Variants in ZNF75D observed in about 807,000 individuals in gnomAD.
ZNF75D encodes zinc finger protein 75.
Under a neutral mutation model 33.3 loss-of-function variants are expected in ZNF75D, and 33 were observed. The observed-to-expected ratio is 0.99, with a 90% CI of 0.75 to 1.32. The LOEUF is 1.32. ZNF75D is among the 40% of genes most tolerant of loss of function. The pLI, the probability that ZNF75D is intolerant of heterozygous loss-of-function variation, is 0.00. For synonymous variants in ZNF75D, 113 were observed against 130.6 expected, an observed-to-expected ratio of 0.87 and a Z score of 0.92; for missense variants, 338 against 367.5, an observed-to-expected ratio of 0.92 and a Z score of 0.66.
rs782020133 is a variant in ZNF75D, at chrX:135,311,971, G to A, written c.-390-15932C>T. 4.5e-5 allele frequency among the ~76,000 whole-genome samples: 5 copies of A among 111,836 alleles called. No individual in the cohort carries two copies. In the Admixed American group the frequency reaches 4.7e-4, roughly 11 times the overall value. ...GTATTTGGGGTGTCCATCTCTTCAAGTATTTATCATTTCTATCTGTTGGGA... is the reference window on the plus strand; with the variant it reads ...GTATTTGGGGTGTCCATCTCTTCAAATATTTATCATTTCTATCTGTTGGGA... On this transcript the variant is annotated intron_variant, in intron 1 of 6. Coordinates refer to ENST00000370766, the MANE Select transcript of ZNF75D (RefSeq NM_007131.5).
intron 1 of ZNF75D, among the ~76,000 whole-genome samples, chrX:135,314,254 AGTTATT>A (rs1438376342): frequency 8.9e-6 from 1 of 111,989 alleles, no homozygotes; most frequent in African/African-American, 3.2e-5. Flanking sequence ...ATGATAATAT[AGTTATT>A]GTTCTCCATT....
intron 1 of ZNF75D, among the ~76,000 whole-genome samples, chrX:135,302,845 G>T (rs1394042789): frequency 1.8e-5 from 2 of 110,047 alleles, no homozygotes; most frequent in Admixed American, 1.9e-4. Flanking sequence ...AAGAAAAAAG[G>T]GGCCCAGGGG....
chrX:135,322,029 A>AT (rs781795093), intron 1 of ZNF75D, among the ~76,000 whole-genome samples: 2 of 112,117 alleles, frequency 1.8e-5, no homozygotes, highest in African/African-American at 6.5e-5. Context: ...CACAATGTCA[A>AT]TTACCCTCTA....
intron 1 of ZNF75D, among the ~76,000 whole-genome samples, chrX:135,318,805 C>T (rs1469976119): frequency 1.8e-5 from 2 of 111,341 alleles, no homozygotes; most frequent in Admixed American, 9.5e-5. Context: ...GTATTTAGTA[C>T]AGGAGGTCAA....
At chrX:135,325,538 C>T (rs1005236799) in intron 1 of ZNF75D, among the ~76,000 whole-genome samples, 15 of 112,108 alleles carry the variant, frequency 1.3e-4, no homozygotes, top group African/African-American at 4.2e-4. Context: ...TGGCGGGCCC[C>T]GCACTCGGAG....
chrX:135,330,043 T>C (rs1285854982), intron 1 of ZNF75D, among the ~76,000 whole-genome samples: 1 of 112,252 alleles, frequency 8.9e-6, no homozygotes, highest in Non-Finnish European at 1.9e-5. Context: ...ATAACCTTGA[T>C]AGGGAGCTTG....
At chrX:135,335,105 G>A (rs782693847) in intron 1 of ZNF75D, among the ~76,000 whole-genome samples, 1 of 111,261 alleles carries the variant, frequency 9.0e-6, no homozygotes, top group African/African-American at 3.3e-5. Flanking sequence ...TTACTTCCCA[G>A]TCTGAGAAAA....
intron 2 of ZNF75D, among the ~76,000 whole-genome samples, chrX:135,295,541 T>C (rs1556422639): frequency 8.9e-6 from 1 of 112,042 alleles, no homozygotes; most frequent in African/African-American, 3.2e-5. Flanking sequence ...GAAGTGGCTG[T>C]AGGAGCCTGC....
At chrX:135,275,984 T>C (rs2083898049) in intron 1 of ZNF75D, among the ~76,000 whole-genome samples, 1 of 111,511 alleles carries the variant, frequency 9.0e-6, no homozygotes, top group African/African-American at 3.3e-5. Flanking sequence ...ATGGCAATGG[T>C]TTGCATACAG....
intron 1 of ZNF75D, among the ~76,000 whole-genome samples, chrX:135,258,054 C>T (rs1187999733): frequency 4.6e-5 from 5 of 108,659 alleles, no homozygotes; most frequent in Non-Finnish European, 9.6e-5. Context: ...TGAGTGAGAA[C>T]ATGCAGTGTT....
chrX:135,340,651 C>A (rs2084772913), intron 1 of ZNF75D, among the ~76,000 whole-genome samples: 1 of 111,848 alleles, frequency 8.9e-6, no homozygotes, highest in Admixed American at 9.4e-5. Flanking sequence ...GGAGGGGTGT[C>A]ACTGGATTCT....
intron 1 of ZNF75D, among the ~76,000 whole-genome samples, chrX:135,269,405 G>GA (rs782791065): frequency 1.4e-3 from 153 of 112,061 alleles, no homozygotes; most frequent in Non-Finnish European, 1.6e-3. Flanking sequence ...ATCTCTACAG[G>GA]AAAAAATCAA....
intron 1 of ZNF75D, among the ~76,000 whole-genome samples, chrX:135,333,796 A>C (rs963638701): frequency 9.0e-5 from 10 of 111,488 alleles, no homozygotes; most frequent in Admixed American, 1.9e-4. Context: ...AATTCCCCCC[A>C]AAAAAAATCA....
intron 1 of ZNF75D, among the ~76,000 whole-genome samples, chrX:135,330,153 T>C (rs1366211471): frequency 8.9e-6 from 1 of 112,134 alleles, no homozygotes; most frequent in Non-Finnish European, 1.9e-5. Context: ...CAGACCCGTG[T>C]GTATGACAGA....
In ZNF75D at chrX:135,291,080, A is replaced by G; in HGVS notation, c.752T>C (p.Leu251Ser). The G allele has an allele frequency of 8.3e-7, 1 of 1,209,484 alleles. No individual in the cohort carries two copies. Among genetic ancestry groups the G allele is most frequent in the Non-Finnish European group, 1.1e-6 (1 of 893,108 alleles). Reference protein sequence around the residue: ...AVYFSEEEWQLLNPLEKTLYN... With the variant: ...AVYFSEEEWQSLNPLEKTLYN... ...GAGAGTCTTCTCAAGAGGATTCAAT[A>G]ATTGCCACTCTTCCTCAGAAAAATA... Residue 251 changes from leucine to serine, a missense_variant, in exon 6 of 7, where the codon TTA becomes TCA. Leu to Ser is a moderately radical substitution (Grantham distance 145, BLOSUM62 -2). This residue lies in a region of ZNF75D where 254 missense variants were observed against 267.7 expected (regional missense o/e 0.95). Coordinates refer to ENST00000370766, the MANE Select transcript of ZNF75D (RefSeq NM_007131.5).
intron 1 of ZNF75D, among the ~76,000 whole-genome samples, chrX:135,307,490 C>T (rs2084303134): frequency 9.0e-6 from 1 of 111,713 alleles, no homozygotes; most frequent in Non-Finnish European, 1.9e-5. Flanking sequence ...AAATCCATGT[C>T]CTGCATATAG....
intron 1 of ZNF75D, among the ~76,000 whole-genome samples, chrX:135,340,832 C>G (rs2084775262): frequency 8.9e-6 from 1 of 112,110 alleles, no homozygotes; most frequent in African/African-American, 3.2e-5. Flanking sequence ...TGTAATTGCT[C>G]TTCTTTATAG....
chrX:135,273,803 C>A (rs2083890937), intron 1 of ZNF75D, among the ~76,000 whole-genome samples: 1 of 111,758 alleles, frequency 8.9e-6, no homozygotes, highest in Admixed American at 9.5e-5. Context: ...TGTTTGGCCC[C>A]CATACTGTTT....
At chrX:135,329,064 GT>G in intron 1 of ZNF75D, among the ~76,000 whole-genome samples, 1 of 111,902 alleles carries the variant, frequency 8.9e-6, no homozygotes, top group Admixed American at 9.5e-5. Context: ...ACAACTGATA[GT>G]CCCAACTCCT....
Sources: allele counts gnomAD v4.1 joint callset (sites outside exome capture counted in the v4.1 genomes callset), GRCh38; gene constraint gnomAD v4.1.1; regional missense constraint gnomAD v4.1.1; transcripts MANE v1.5; gene names NCBI Gene and HGNC (gene_info 2026-07-23, HGNC 2026-07-21).